The following RAB30 variants were observed in gnomAD, a reference collection of about 807,000 sequenced individuals.
RAB30 encodes RAB30, member RAS oncogene family, also known as ras-related protein Rab-30.
A neutral mutation model predicts 25.1 loss-of-function variants in RAB30; 9 were observed. That is an observed-to-expected ratio of 0.36 (90% confidence interval 0.22 to 0.63). The LOEUF (loss-of-function observed/expected upper bound fraction) is 0.63. Ranked by LOEUF, RAB30 falls within the 20% of genes least tolerant of loss-of-function variation. The pLI is 0.69. For synonymous variants in RAB30, 77 were observed against 86.4 expected, an observed-to-expected ratio of 0.89 and a Z score of 0.60; for missense variants, 140 against 243.5, an observed-to-expected ratio of 0.58 and a Z score of 2.83.
At chr11:83,065,512 T>C (rs1451156590) in intron 1 of RAB30, among the ~76,000 whole-genome samples, 1 of 152,184 alleles carries the variant, frequency 6.6e-6, no homozygotes, top group Non-Finnish European at 1.5e-5. Context: ...CTTCCTGCCG[T>C]GGCCTCCCAA....
intron 1 of RAB30, among the ~76,000 whole-genome samples, chr11:83,051,562 T>G (rs1194156526): frequency 6.6e-6 from 1 of 152,154 alleles, no homozygotes; most frequent in Non-Finnish European, 1.5e-5. Flanking sequence ...CTAAGTGTCT[T>G]GGGAACACCT....
chr11:82,982,515 A>AATG, intron 4 of RAB30, 100 bp from the exon 5 acceptor site: 2 of 1,263,844 alleles, frequency 1.6e-6, no homozygotes, highest in Non-Finnish European at 2.2e-6. Context: ...AGCCAGACAG[A>AATG]TGGGCGAGTA....
At chr11:83,055,763 G>T (rs935214596) in intron 1 of RAB30, among the ~76,000 whole-genome samples, 1 of 152,214 alleles carries the variant, frequency 6.6e-6, no homozygotes, top group African/African-American at 2.4e-5. Flanking sequence ...TTGAAGGGGT[G>T]AGTTGTCCTT....
intron 1 of RAB30, among the ~76,000 whole-genome samples, chr11:83,057,537 C>T (rs928693897): frequency 2.0e-5 from 3 of 152,150 alleles, no homozygotes; most frequent in Admixed American, 2.0e-4. Context: ...ATTAAAATAG[C>T]TCTCTGCAAC....
At position 82,976,462 on chromosome 11, in the gene RAB30, TC is replaced by T. The variant is rs528979424; in HGVS notation, c.*5702del. On this transcript the variant is annotated 3_prime_UTR_variant, in exon 5 of 5. Transcript: ENST00000527633. ...TCACACCTAAACTAGTGTTTCCCCT[TC>T]TATATAACTCCCCACATCACTCTCC... 4 of 152,232 alleles carry T rather than the reference TC, an allele frequency of 2.6e-5. No homozygotes were observed. The East Asian group carries it at 7.7e-4, about 29-fold the overall frequency. 9.4% of individuals were successfully genotyped at this position (152,232 alleles called of 1,614,324 possible).
Position 83,046,554 on chromosome 11 carries a change from C to T in RAB30, c.-9+25137G>A, listed in dbSNP as rs141867165. On this transcript the variant is annotated intron_variant, in intron 1 of 4. Transcript: ENST00000527633. Reference sequence around the variant, plus strand: ...TATTGCCCAGGCTTCAGTGCAGTGGCGTGATCATAGCTCACTGCATCCCTG... The same window carrying T: ...TATTGCCCAGGCTTCAGTGCAGTGGTGTGATCATAGCTCACTGCATCCCTG... Among the ~76,000 whole-genome samples the T allele has an allele frequency of 5.5e-3, 833 of 152,034 alleles. 1 individual carries two copies. Among genetic ancestry groups the T allele is most frequent in the Middle Eastern group, 0.02 (6 of 294 alleles).
intron 1 of RAB30, among the ~76,000 whole-genome samples, chr11:83,014,098 G>T (rs1324318606): frequency 6.6e-6 from 1 of 152,164 alleles, no homozygotes; most frequent in Non-Finnish European, 1.5e-5. Flanking sequence ...ATAGAGCAAT[G>T]AATGAATGAA....
At chr11:82,991,506 CAAAAAAA>C (rs35298951) in intron 3 of RAB30, among the ~76,000 whole-genome samples, 4 of 65,872 alleles carry the variant, frequency 6.1e-5, no homozygotes, top group Non-Finnish European at 1.1e-4. Flanking sequence ...GACCCTTTCT[CAAAAAAA>C]AAAAAAAAAA....
At chr11:83,007,833 AC>A (rs66979034) in intron 1 of RAB30, among the ~76,000 whole-genome samples, 12,364 of 151,910 alleles carry the variant, frequency 0.081, 548 homozygotes, top group Middle Eastern at 0.16. Context: ...CCACTCATCG[AC>A]CCCCTTCCAA....
At chr11:83,006,074 G>C (rs114698497) in intron 1 of RAB30, among the ~76,000 whole-genome samples, 1 of 152,042 alleles carries the variant, frequency 6.6e-6, no homozygotes, top group South Asian at 2.1e-4. Context: ...GATTGGCCAA[G>C]TTTATCCTGT....
At chr11:83,025,783 T>C (rs963081063) in intron 1 of RAB30, among the ~76,000 whole-genome samples, 1 of 152,134 alleles carries the variant, frequency 6.6e-6, no homozygotes, top group Non-Finnish European at 1.5e-5. Context: ...AAGAGAAGCA[T>C]GTTAAAATAA....
intron 1 of RAB30, among the ~76,000 whole-genome samples, chr11:83,066,590 G>T (rs1162318869): frequency 6.6e-6 from 1 of 152,170 alleles, no homozygotes; most frequent in African/African-American, 2.4e-5. Context: ...TCACTCTGTG[G>T]CCCAGAGTAG....
intron 1 of RAB30, among the ~76,000 whole-genome samples, chr11:83,008,080 G>A (rs189057599): frequency 1.8e-4 from 28 of 152,236 alleles, no homozygotes; most frequent in Non-Finnish European, 3.8e-4. Context: ...GCTTCCCTGC[G>A]CCTGCTTGGC....
At chr11:83,034,209 G>C (rs1013056399) in intron 1 of RAB30, 2 of 152,264 alleles carry the variant, frequency 1.3e-5, no homozygotes, top group Non-Finnish European at 2.9e-5. Flanking sequence ...ACTGTGATTT[G>C]ATGGGTGTGT....
At position 83,064,629 on chromosome 11, in the gene RAB30, C is replaced by A. The variant is rs181265711; in HGVS notation, c.-9+7062G>T. Among the ~76,000 whole-genome samples the A allele has an allele frequency of 2.0e-3, 304 of 152,286 alleles. 2 individuals are homozygous for A. Among genetic ancestry groups the A allele is most frequent in the Non-Finnish European group, 3.7e-3 (252 of 68,024 alleles). On this transcript the variant is annotated intron_variant, in intron 1 of 4. Coordinates refer to ENST00000527633, the MANE Select transcript of RAB30 (RefSeq NM_001286060.2). ...AATGTCCCAAAAAGTGGTATCCCAG[C>A]CCATAGGCTGATTAAATACTTGAAA...
intron 1 of RAB30, among the ~76,000 whole-genome samples, chr11:83,015,662 T>C (rs1426230431): frequency 6.6e-6 from 1 of 152,136 alleles, no homozygotes; most frequent in Non-Finnish European, 1.5e-5. Flanking sequence ...AGGATATCTA[T>C]GGAGAGTGGA....
At chr11:82,984,426 G>A (rs1050969949) in intron 4 of RAB30, among the ~76,000 whole-genome samples, 22 of 152,168 alleles carry the variant, frequency 1.4e-4, no homozygotes, top group African/African-American at 4.8e-4. Context: ...TGCGGACTGG[G>A]TAGGAGGTCC....
intron 1 of RAB30, among the ~76,000 whole-genome samples, chr11:83,013,312 T>C (rs1027358534): frequency 6.6e-6 from 1 of 152,190 alleles, no homozygotes; most frequent in Non-Finnish European, 1.5e-5. Context: ...CTCAAACTCC[T>C]GACCTCAAGT....
At chr11:83,015,885 C>T (rs1857424572) in intron 1 of RAB30, among the ~76,000 whole-genome samples, 1 of 152,186 alleles carries the variant, frequency 6.6e-6, no homozygotes, top group Non-Finnish European at 1.5e-5. Context: ...TGCCTGTAAT[C>T]TCAACACTTT....
Sources: allele counts gnomAD v4.1 joint callset (sites outside exome capture counted in the v4.1 genomes callset), GRCh38; gene constraint gnomAD v4.1.1; transcripts MANE v1.5; gene names NCBI Gene and HGNC (gene_info 2026-07-23, HGNC 2026-07-21).